Variants in INPP4B observed in about 807,000 individuals in gnomAD.
INPP4B encodes inositol polyphosphate-4-phosphatase type II B.
A neutral mutation model predicts 122.5 loss-of-function variants in INPP4B; 55 were observed. The ratio of observed to expected loss-of-function variants is 0.45; its 90% confidence interval spans 0.36 to 0.56. The LOEUF (loss-of-function observed/expected upper bound fraction) is 0.56. Ranked by LOEUF, INPP4B falls within the 20% of genes least tolerant of loss-of-function variation. The probability of loss-of-function intolerance (pLI) is 0.00; values close to 1 mark genes in which losing one functional copy is unlikely to be tolerated. For missense variants in INPP4B, 1,000 were observed against 1,097.7 expected (o/e 0.91, Z 1.26); for synonymous variants, 403 against 388.7 (o/e 1.04, Z -0.43).
At chr4:142,164,332 G>A (rs944302263) in intron 16 of INPP4B, among the ~76,000 whole-genome samples, 15 of 151,776 alleles carry the variant, frequency 9.9e-5, no homozygotes, top group African/African-American at 2.4e-4. Context: ...CCTTATTCTC[G>A]CTGAAAAAAC....
chr4:142,340,618 G>A (rs549261913), intron 7 of INPP4B, among the ~76,000 whole-genome samples: 14 of 151,916 alleles, frequency 9.2e-5, no homozygotes, highest in South Asian at 4.2e-4. Context: ...TCACTATGTC[G>A]CCCAGGCTGG....
At chr4:142,137,978 C>T (rs947538538) in intron 18 of INPP4B, among the ~76,000 whole-genome samples, 38 of 152,088 alleles carry the variant, frequency 2.5e-4, no homozygotes, top group African/African-American at 8.7e-4. Flanking sequence ...GTCAGAGTGG[C>T]GATTCCTCAG....
intron 25 of INPP4B, among the ~76,000 whole-genome samples, chr4:142,075,553 T>C (rs1245021325): frequency 6.6e-6 from 1 of 151,962 alleles, no homozygotes. Flanking sequence ...TCCTGAGACT[T>C]TTTTCCTAAG....
At chr4:142,030,633 A>G (rs1047510853) in intron 25 of INPP4B, among the ~76,000 whole-genome samples, 1 of 152,212 alleles carries the variant, frequency 6.6e-6, no homozygotes, top group Admixed American at 6.5e-5. Flanking sequence ...AGACTTTATG[A>G]ATACAACTAA....
chr4:142,656,035 A>T (rs1472504286), intron 2 of INPP4B, among the ~76,000 whole-genome samples: 1 of 152,212 alleles, frequency 6.6e-6, no homozygotes, highest in Non-Finnish European at 1.5e-5. Flanking sequence ...TGAGACAGCC[A>T]GGTGGGAGGG....
At position 142,040,855 on chromosome 4, in the gene INPP4B, C is replaced by T. The variant is rs189627091; in HGVS notation, c.2643-11941G>A. Among the ~76,000 whole-genome samples the T allele has an allele frequency of 4.0e-4, 61 of 152,288 alleles. 1 individual carries two copies. The highest frequency in any genetic ancestry group is 4.4e-5 in the Non-Finnish European group (3 of 68,018). ...TGTTTCACTGCTCTAGTTTGTCATT[C>T]TCCTGGAGTCTGGGATAACTTTAAT... On this transcript the variant is annotated intron_variant, in intron 25 of 25. Transcript: ENST00000262992.
intron 2 of INPP4B, among the ~76,000 whole-genome samples, chr4:142,466,554 A>C (rs1047893531): frequency 2.6e-5 from 4 of 152,226 alleles, no homozygotes; most frequent in Admixed American, 2.0e-4. Flanking sequence ...AAGTTTGAAA[A>C]ATTTGCAGCC....
intron 21 of INPP4B, among the ~76,000 whole-genome samples, chr4:142,118,322 G>A (rs1794776806): frequency 6.6e-6 from 1 of 151,894 alleles, no homozygotes; most frequent in African/African-American, 2.4e-5. Flanking sequence ...CCAAAAAAGA[G>A]CACGCATTGC....
chr4:142,845,462 TC>T (rs1784068350), intron 1 of INPP4B, among the ~76,000 whole-genome samples: 1 of 151,772 alleles, frequency 6.6e-6, no homozygotes. Context: ...AACAATGACC[TC>T]CCCCGTCCAA....
In INPP4B at chr4:142,503,547, T is replaced by C. The variant is rs562782563; in HGVS notation, c.-190-40821A>G. 2.6e-5 allele frequency among the ~76,000 whole-genome samples: 4 copies of C among 152,252 alleles called. No homozygotes were observed. In the South Asian group the frequency reaches 8.3e-4, roughly 32 times the overall value. The stretch of plus-strand genomic sequence containing the variant: ...CTAAACCAAATAAGAAGGTCTTTAG[T>C]TGGGAAGACATAGTATGAAAATAAT... On this transcript the variant is annotated intron_variant, in intron 2 of 25. Coordinates refer to ENST00000262992, the MANE Select transcript of INPP4B (RefSeq NM_001101669.3).
At chr4:142,794,724 T>C (rs1442942565) in intron 1 of INPP4B, among the ~76,000 whole-genome samples, 7 of 151,818 alleles carry the variant, frequency 4.6e-5, no homozygotes, top group Admixed American at 2.6e-4. Context: ...AGCATAAATA[T>C]ATAAAGCTCA....
At chr4:142,243,887 T>C (rs977023496) in intron 11 of INPP4B, among the ~76,000 whole-genome samples, 3 of 124,026 alleles carry the variant, frequency 2.4e-5, no homozygotes, top group African/African-American at 8.4e-5. Flanking sequence ...TGCTACATGG[T>C]AGAACAAACT....
intron 25 of INPP4B, among the ~76,000 whole-genome samples, chr4:142,057,020 C>A (rs1207331975): frequency 2.6e-5 from 4 of 152,018 alleles, no homozygotes; most frequent in African/African-American, 9.7e-5. Flanking sequence ...GTTGAGAGGT[C>A]ATTTGTGCTA....
At chr4:142,568,982 T>C (rs1732230153) in intron 2 of INPP4B, among the ~76,000 whole-genome samples, 1 of 152,154 alleles carries the variant, frequency 6.6e-6, no homozygotes, top group Non-Finnish European at 1.5e-5. Context: ...GAATTTAAAC[T>C]AAACATTGTG....
intron 5 of INPP4B, chr4:142,426,332 C>G (rs190166825): frequency 1.3e-5 from 2 of 151,898 alleles, no homozygotes; most frequent in East Asian, 3.9e-4. Flanking sequence ...GATCCCTCTT[C>G]GTAAATGTCA....
chr4:142,038,117 T>G (rs971153805), intron 25 of INPP4B, among the ~76,000 whole-genome samples: 1 of 152,178 alleles, frequency 6.6e-6, no homozygotes, highest in Non-Finnish European at 1.5e-5. Context: ...GATAATTTGT[T>G]ATTTTACCTA....
chr4:142,316,662 GAA>G (rs1322045533), intron 7 of INPP4B, among the ~76,000 whole-genome samples: 2 of 151,990 alleles, frequency 1.3e-5, no homozygotes, highest in East Asian at 3.9e-4. Context: ...AAAGTGAAAA[GAA>G]AAAGTCAGAA....
intron 2 of INPP4B, among the ~76,000 whole-genome samples, chr4:142,515,016 A>C (rs1440310308): frequency 1.3e-5 from 2 of 151,696 alleles, no homozygotes; most frequent in African/African-American, 4.8e-5. Flanking sequence ...GGCTGGTCTT[A>C]AACTCCTGAC....
intron 9 of INPP4B, among the ~76,000 whole-genome samples, chr4:142,299,358 T>C (rs186787359): frequency 6.7e-6 from 1 of 149,276 alleles, no homozygotes; most frequent in Admixed American, 6.6e-5. Flanking sequence ...AATGGGGTTT[T>C]GGCATGTTAT....
Sources: allele counts gnomAD v4.1 joint callset (sites outside exome capture counted in the v4.1 genomes callset), GRCh38; gene constraint gnomAD v4.1.1; transcripts MANE v1.5; gene names NCBI Gene and HGNC (gene_info 2026-07-23, HGNC 2026-07-21).